Variants in FOXJ3 observed in about 807,000 individuals in gnomAD.
FOXJ3 encodes the protein forkhead box J3.
In FOXJ3, 22 loss-of-function variants were observed where a neutral mutation model predicts 76.1. The ratio of observed to expected loss-of-function variants is 0.29; its 90% CI spans 0.21 to 0.41. FOXJ3 has a LOEUF of 0.41. FOXJ3 is among the 10% of genes least tolerant of loss of function. FOXJ3 has a pLI of 1.00. For synonymous variants in FOXJ3, 269 were observed against 261.2 expected (o/e 1.03, Z -0.29); for missense variants, 613 against 762.1 (o/e 0.80, Z 2.30).
At chr1:42,280,777 G>A (rs1483458100) in intron 2 of FOXJ3, among the ~76,000 whole-genome samples, 2 of 152,116 alleles carry the variant, frequency 1.3e-5, no homozygotes, top group Non-Finnish European at 2.9e-5. Flanking sequence ...CCACCTCACT[G>A]ATGTAAAGTA....
chr1:42,306,802 T>A (rs146548132), intron 2 of FOXJ3, among the ~76,000 whole-genome samples: 325 of 152,358 alleles, frequency 2.1e-3, no homozygotes, highest in African/African-American at 7.5e-3. Flanking sequence ...TGAGGATTTT[T>A]TAAGTAATAT....
intron 1 of FOXJ3, among the ~76,000 whole-genome samples, chr1:42,329,696 TTGAGCAGGGACAAA>T (rs1202852577): frequency 2.6e-5 from 4 of 152,212 alleles, no homozygotes; most frequent in Non-Finnish European, 5.9e-5. Flanking sequence ...CTGAGAAGTT[TTGAGCAGGGACAAA>T]CAAAAAAATG....
chr1:42,206,602 A>G (rs184253036), intron 5 of FOXJ3, among the ~76,000 whole-genome samples: 10 of 152,210 alleles, frequency 6.6e-5, no homozygotes, highest in African/African-American at 2.2e-4. Context: ...AACTTTTGCT[A>G]TTTATTTTTA....
At chr1:42,273,765 C>G (rs531317552) in intron 3 of FOXJ3, among the ~76,000 whole-genome samples, 57 of 151,232 alleles carry the variant, frequency 3.8e-4, no homozygotes, top group Non-Finnish European at 6.9e-4. Context: ...TGAACCCAGA[C>G]ACAAGATTTA....
chr1:42,306,533 A>G (rs1250531565), intron 2 of FOXJ3, among the ~76,000 whole-genome samples: 1 of 151,680 alleles, frequency 6.6e-6, no homozygotes, highest in African/African-American at 2.4e-5. Context: ...CGAACTCCTG[A>G]CCTCGTGATC....
At chr1:42,327,950 A>T (rs1236471679) in intron 1 of FOXJ3, among the ~76,000 whole-genome samples, 1 of 152,158 alleles carries the variant, frequency 6.6e-6, no homozygotes, top group Admixed American at 6.5e-5. Context: ...CTCTACATTG[A>T]TTTGAAGACA....
chr1:42,312,739 G>A (rs944179147), intron 1 of FOXJ3, among the ~76,000 whole-genome samples: 2 of 152,206 alleles, frequency 1.3e-5, no homozygotes, highest in Non-Finnish European at 2.9e-5. Flanking sequence ...TATGAATTCT[G>A]GCTTGCAATT....
At chr1:42,331,091 A>G (rs1445087067) in intron 1 of FOXJ3, among the ~76,000 whole-genome samples, 2 of 152,124 alleles carry the variant, frequency 1.3e-5, no homozygotes, top group African/African-American at 2.4e-5. Flanking sequence ...AAAAGAATTA[A>G]GAAACTTGAC....
At chr1:42,317,514 T>TAAA (rs11365048) in intron 1 of FOXJ3, among the ~76,000 whole-genome samples, 12 of 106,392 alleles carry the variant, frequency 1.1e-4, no homozygotes, top group South Asian at 3.1e-4. Context: ...AGAGAAACCA[T>TAAA]AAAAAAAAAA....
At chr1:42,214,433 G>T (rs1340353958) in intron 5 of FOXJ3, among the ~76,000 whole-genome samples, 1 of 152,158 alleles carries the variant, frequency 6.6e-6, no homozygotes, top group East Asian at 1.9e-4. Flanking sequence ...AAGTATCGAT[G>T]AATCTAATCT....
At chr1:42,284,687 C>T (rs1175273093) in intron 2 of FOXJ3, among the ~76,000 whole-genome samples, 1 of 152,180 alleles carries the variant, frequency 6.6e-6, no homozygotes, top group Admixed American at 6.5e-5. Flanking sequence ...TGTCTTTCCA[C>T]CCAGACTATT....
intron 4 of FOXJ3, among the ~76,000 whole-genome samples, chr1:42,264,746 G>A (rs1203464419): frequency 6.6e-6 from 1 of 152,130 alleles, no homozygotes; most frequent in East Asian, 1.9e-4. Context: ...GCTAATAACA[G>A]AGAAACTGTT....
At chr1:42,203,540 G>GT (rs1397117848) in intron 6 of FOXJ3, among the ~76,000 whole-genome samples, 1 of 152,178 alleles carries the variant, frequency 6.6e-6, no homozygotes, top group Non-Finnish European at 1.5e-5. Context: ...AGCCTAGGGT[G>GT]TATTACCATG....
At chr1:42,237,784 T>A (rs945739107) in intron 4 of FOXJ3, among the ~76,000 whole-genome samples, 7 of 152,018 alleles carry the variant, frequency 4.6e-5, no homozygotes, top group Non-Finnish European at 1.0e-4. Flanking sequence ...CTGGTACACA[T>A]AGGGTTAATT....
intron 2 of FOXJ3, among the ~76,000 whole-genome samples, chr1:42,301,087 A>T (rs2088873): frequency 0.7 from 106,491 of 152,126 alleles, 38,012 homozygotes; most frequent in Admixed American, 0.8. Flanking sequence ...GTTTTCCCTA[A>T]TTACTTCCTG....
intron 12 of FOXJ3, among the ~76,000 whole-genome samples, chr1:42,180,466 C>G (rs569960254): frequency 1.3e-5 from 2 of 152,128 alleles, no homozygotes; most frequent in South Asian, 2.1e-4. Context: ...TTGACAGACC[C>G]CCCCCTTCTA....
At chr1:42,334,622 G>A (rs1004391166) in intron 1 of FOXJ3, among the ~76,000 whole-genome samples, 6 of 152,362 alleles carry the variant, frequency 3.9e-5, no homozygotes, top group Non-Finnish European at 8.8e-5. Flanking sequence ...CCTGCCGGCA[G>A]AAAAGCGCCC....
intron 4 of FOXJ3, among the ~76,000 whole-genome samples, chr1:42,262,854 TAACAAACAAATA>T (rs1290246715): frequency 1.3e-5 from 2 of 152,004 alleles, no homozygotes; most frequent in East Asian, 1.9e-4. Context: ...GTCTCAAAAT[TAACAAACAAATA>T]AACAAACAAA....
At chr1:42,240,618 T>C (rs183989158) in intron 4 of FOXJ3, among the ~76,000 whole-genome samples, 1 of 152,264 alleles carries the variant, frequency 6.6e-6, no homozygotes, top group African/African-American at 2.4e-5. Context: ...AACAGGGAAA[T>C]TGTCTTTTCA....
Sources: allele counts gnomAD v4.1 joint callset (sites outside exome capture counted in the v4.1 genomes callset), GRCh38; gene constraint gnomAD v4.1.1; transcripts MANE v1.5; gene names NCBI Gene and HGNC (gene_info 2026-07-23, HGNC 2026-07-21).